WDR72: variants seen among roughly 807,000 people sequenced by gnomAD.
WDR72 encodes the protein WD repeat domain 72, also known as WD repeat-containing protein 72.
In WDR72, 120 loss-of-function variants were observed where a neutral mutation model predicts 124.2. The observed-to-expected ratio is 0.97, with a 90% CI of 0.83 to 1.12. The LOEUF (loss-of-function observed/expected upper bound fraction) is 1.12, where lower values mean the gene tolerates loss of function less well. WDR72 is among the 50% of genes most tolerant of loss of function. WDR72 has a pLI of 0.00. For missense variants in WDR72, 1,387 were observed against 1,278.8 expected (o/e 1.08, Z -1.29); for synonymous variants, 452 against 441.7 (o/e 1.02, Z -0.29).
At position 53,650,002 on chromosome 15, in the gene WDR72, T is replaced by C. The variant is rs116809047; in HGVS notation, c.1962+15570A>G. ...AGAAGTATTAGCATGTCTATGTTTATTGCAGCATCACAATAACCAAGATGT... is the reference window on the plus strand; with the variant it reads ...AGAAGTATTAGCATGTCTATGTTTACTGCAGCATCACAATAACCAAGATGT... On this transcript the variant is annotated intron_variant, in intron 14 of 19. Coordinates refer to ENST00000360509, the MANE Select transcript of WDR72 (RefSeq NM_182758.4). 1.9e-3 allele frequency among the ~76,000 whole-genome samples: 297 copies of C among 152,308 alleles called. 1 individual carries two copies. Among genetic ancestry groups the C allele is most frequent in the African/African-American group, 6.9e-3 (286 of 41,570 alleles).
At chr15:53,586,135 C>A (rs2012201442) in intron 18 of WDR72, among the ~76,000 whole-genome samples, 1 of 151,990 alleles carries the variant, frequency 6.6e-6, no homozygotes, top group African/African-American at 2.4e-5. Flanking sequence ...GGAAACAGAG[C>A]ACCTAATAAA....
At position 53,704,997 on chromosome 15, in the gene WDR72, A is replaced by C. The variant is rs1280807525; in HGVS notation, c.1339T>G (p.Leu447Val). 7 of 1,613,808 alleles carry C rather than the reference A, an allele frequency of 4.3e-6. No individual in the cohort carries two copies. In the African/African-American group the frequency reaches 9.3e-5, roughly 22 times the overall value. Residue 447 changes from leucine (L) to valine (V), a missense_variant, in exon 11 of 20, where the codon TTA becomes GTA. Leu to Val is a conservative substitution (Grantham distance 32, BLOSUM62 1). Transcript: ENST00000360509. The part of the protein sequence containing the change: ...AKARLLEGGS[L>V]VKDSPPHKVL... Reference sequence around the variant, plus strand: ...AATAAAATTCAAGGACCTTTTACTAAAGAACCACCTTCCAGAAGTCTTGCT... The same window carrying C: ...AATAAAATTCAAGGACCTTTTACTACAGAACCACCTTCCAGAAGTCTTGCT...
At chr15:53,634,590 A>G (rs941513105) in intron 14 of WDR72, among the ~76,000 whole-genome samples, 4 of 152,178 alleles carry the variant, frequency 2.6e-5, no homozygotes, top group Non-Finnish European at 4.4e-5. Context: ...TGCAGCCCAT[A>G]GGCTGCAGGT....
intron 18 of WDR72, among the ~76,000 whole-genome samples, chr15:53,546,831 A>G (rs1893493609): frequency 6.6e-6 from 1 of 152,196 alleles, no homozygotes; most frequent in African/African-American, 2.4e-5. Flanking sequence ...AGTAGAGAGG[A>G]AATTTAAGAA....
intron 16 of WDR72, among the ~76,000 whole-genome samples, chr15:53,612,923 G>A (rs564684462): frequency 2.0e-5 from 3 of 151,982 alleles, no homozygotes; most frequent in African/African-American, 4.8e-5. Flanking sequence ...GGAAGGTTGA[G>A]GGGGATGGAG....
chr15:53,638,479 C>A (rs2014707656), intron 14 of WDR72, among the ~76,000 whole-genome samples: 2 of 152,070 alleles, frequency 1.3e-5, no homozygotes, highest in African/African-American at 4.8e-5. Context: ...AAACATGGTC[C>A]TGGAAGTCAG....
intron 13 of WDR72, among the ~76,000 whole-genome samples, chr15:53,670,053 C>A (rs2015933152): frequency 6.6e-6 from 1 of 152,156 alleles, no homozygotes; most frequent in African/African-American, 2.4e-5. Context: ...CTGAAAGTTA[C>A]ACTACATCTC....
intron 13 of WDR72, among the ~76,000 whole-genome samples, chr15:53,676,779 T>TG: frequency 6.6e-6 from 1 of 152,186 alleles, no homozygotes; most frequent in Non-Finnish European, 1.5e-5. Context: ...AGGTGTTGTT[T>TG]TGAGCTGCTA....
chr15:53,737,322 C>T (rs184717360), intron 1 of WDR72, among the ~76,000 whole-genome samples: 12 of 152,010 alleles, frequency 7.9e-5, no homozygotes, highest in East Asian at 5.8e-4. Context: ...ATTTGAGCAT[C>T]GGAATAAATA....
chr15:53,528,410 C>T (rs370657375), intron 18 of WDR72, among the ~76,000 whole-genome samples: 17 of 152,140 alleles, frequency 1.1e-4, no homozygotes, highest in African/African-American at 3.1e-4. Context: ...AGGTATCTAA[C>T]GCTTCTTTAT....
At chr15:53,651,891 G>C (rs764798114) in intron 14 of WDR72, 2 of 152,190 alleles carry the variant, frequency 1.3e-5, no homozygotes, top group Admixed American at 6.6e-5. Flanking sequence ...GACCTCAGGT[G>C]ATCTGCCCAC....
intron 18 of WDR72, among the ~76,000 whole-genome samples, chr15:53,538,540 A>G (rs12708431): frequency 0.61 from 92,463 of 151,982 alleles, 28,817 homozygotes; most frequent in East Asian, 0.86. Flanking sequence ...TTTCTAGGGT[A>G]GAAAGCACCA....
At chr15:53,673,057 G>A (rs953022606) in intron 13 of WDR72, among the ~76,000 whole-genome samples, 2 of 152,082 alleles carry the variant, frequency 1.3e-5, no homozygotes, top group Non-Finnish European at 2.9e-5. Flanking sequence ...GGATGTCAAG[G>A]CTGTAGTGAG....
intron 9 of WDR72, among the ~76,000 whole-genome samples, chr15:53,710,634 G>C (rs1226166899): frequency 6.6e-6 from 1 of 151,934 alleles, no homozygotes; most frequent in Non-Finnish European, 1.5e-5. Flanking sequence ...AATACATATT[G>C]TTTCATTATA....
At chr15:53,529,485 G>C (rs890524132) in intron 18 of WDR72, among the ~76,000 whole-genome samples, 4 of 151,900 alleles carry the variant, frequency 2.6e-5, no homozygotes, top group Non-Finnish European at 4.4e-5. Context: ...AATTGAACAG[G>C]ATACTAAGAG....
chr15:53,744,414 C>T, intron 1 of WDR72, among the ~76,000 whole-genome samples: 1 of 152,202 alleles, frequency 6.6e-6, no homozygotes, highest in East Asian at 1.9e-4. Context: ...CCCAGTAATG[C>T]AGTCCTGCTG....
rs183518554 is a variant in WDR72, at chr15:53,727,557, G to C, written c.154-4649C>G. On this transcript the variant is annotated intron_variant, in intron 2 of 19. Coordinates refer to ENST00000360509, the MANE Select transcript of WDR72 (RefSeq NM_182758.4). ...GTTCGCGCTACCTTTTTCCTGAGAA[G>C]TCCAGAAGGTTCCATCTCAGAGAAC... Among the ~76,000 whole-genome samples, 32 of 152,244 alleles carry C rather than the reference G, an allele frequency of 2.1e-4. No individual in the cohort carries two copies. The East Asian group carries it at 5.2e-3, about 25-fold the overall frequency.
At chr15:53,587,447 T>C (rs986072429) in intron 18 of WDR72, among the ~76,000 whole-genome samples, 5 of 152,026 alleles carry the variant, frequency 3.3e-5, no homozygotes, top group African/African-American at 1.2e-4. Context: ...CAGCATATTA[T>C]ATAACAGTAT....
intron 18 of WDR72, among the ~76,000 whole-genome samples, chr15:53,553,642 T>C (rs1893823214): frequency 6.6e-6 from 1 of 152,160 alleles, no homozygotes; most frequent in Admixed American, 6.6e-5. Flanking sequence ...TGCATTTCAC[T>C]TATATTAACA....
Sources: gnomAD v4.1 joint callset for allele counts (sites outside exome capture counted in the v4.1 genomes callset) on GRCh38, gnomAD v4.1.1 for gene constraint, MANE v1.5 for transcripts, NCBI Gene and HGNC (gene_info 2026-07-23, HGNC 2026-07-21) for gene names.